ENO4: variants seen among roughly 807,000 people sequenced by gnomAD.
ENO4 encodes the protein 2-phospho-D-glycerate hydro-lyase.
In ENO4, 53 loss-of-function variants were observed where a neutral mutation model predicts 63.2. The observed-to-expected ratio is 0.84, with a 90% confidence interval of 0.67 to 1.05. The LOEUF is 1.05. Among genes scored for constraint, ENO4 ranks in the 50% least tolerant of loss-of-function variants. The pLI is 0.00. For missense variants in ENO4, 719 were observed against 772.0 expected (o/e 0.93, Z 0.81); for synonymous variants, 266 against 283.8 (o/e 0.94, Z 0.63).
At chr10:116,899,031 C>T (rs61545069) in intron 10 of ENO4, among the ~76,000 whole-genome samples, 32 of 152,110 alleles carry the variant, frequency 2.1e-4, no homozygotes, top group East Asian at 9.7e-4. Flanking sequence ...GAAGATCTTA[C>T]GCAGATCATA....
chr10:116,889,294 C>A (rs1471379455), intron 10 of ENO4, among the ~76,000 whole-genome samples: 1 of 152,184 alleles, frequency 6.6e-6, no homozygotes, highest in African/African-American at 2.4e-5. Flanking sequence ...TATTGTCAGG[C>A]TGAAATTGTC....
chr10:116,879,455 T>C (rs900175316), intron 12 of ENO4, 97 bp downstream of exon 12: 31 of 895,406 alleles, frequency 3.5e-5, no homozygotes, highest in Non-Finnish European at 5.2e-5. Flanking sequence ...GCATGTAACC[T>C]TTTATGAAAT....
chr10:116,888,932 G>A (rs543740312), intron 10 of ENO4, among the ~76,000 whole-genome samples: 40 of 152,376 alleles, frequency 2.6e-4, no homozygotes, highest in Middle Eastern at 6.8e-3. Flanking sequence ...AGGTTCCAGG[G>A]AAAGTCCCAT....
chr10:116,877,713 G>A (rs919444509), intron 11 of ENO4, among the ~76,000 whole-genome samples: 1 of 152,134 alleles, frequency 6.6e-6, no homozygotes, highest in African/African-American at 2.4e-5. Context: ...TGAAAAGCGG[G>A]GCTCCAGTGC....
intron 10 of ENO4, among the ~76,000 whole-genome samples, chr10:116,899,098 T>C (rs1444878392): frequency 2.6e-5 from 4 of 152,040 alleles, no homozygotes; most frequent in Admixed American, 6.6e-5. Context: ...AAGCCTACCA[T>C]AAGGCAGGAA....
chr10:116,900,154 C>T (rs866184066), intron 10 of ENO4, among the ~76,000 whole-genome samples: 5 of 152,156 alleles, frequency 3.3e-5, no homozygotes, highest in South Asian at 2.1e-4. Context: ...TGAAAATACA[C>T]GGCATCAGTT....
chr10:116,888,926 T>G (rs937432893), intron 10 of ENO4, among the ~76,000 whole-genome samples: 7 of 152,228 alleles, frequency 4.6e-5, no homozygotes, highest in African/African-American at 1.7e-4. Context: ...CAGCTAAGGT[T>G]CCAGGGAAAG....
chr10:116,900,642 T>C, intron 10 of ENO4: 1 of 1,514,248 alleles, frequency 6.6e-7, no homozygotes, highest in South Asian at 1.2e-5. Context: ...TGGATATTGG[T>C]TCAAATGTAG....
intron 8 of ENO4, among the ~76,000 whole-genome samples, 168 bp downstream of exon 8, chr10:116,868,874 C>A (rs1637572): frequency 0.59 from 89,377 of 151,868 alleles, 29,239 homozygotes; most frequent in Non-Finnish European, 0.73. Context: ...ATCATGCTGC[C>A]CCTGCCTTCC....
intron 10 of ENO4, among the ~76,000 whole-genome samples, chr10:116,895,854 G>GT (rs1847498792): frequency 6.6e-6 from 1 of 152,134 alleles, no homozygotes; most frequent in Admixed American, 6.5e-5. Flanking sequence ...TTTCTCACCT[G>GT]TAAAATTGGG....
At chr10:116,857,424 C>T (rs1281724871) in intron 3 of ENO4, among the ~76,000 whole-genome samples, 1 of 152,136 alleles carries the variant, frequency 6.6e-6, no homozygotes, top group African/African-American at 2.4e-5. Context: ...CTCAAACACG[C>T]TAACAAGGAA....
intron 11 of ENO4, among the ~76,000 whole-genome samples, 181 bp downstream of exon 11, chr10:116,876,441 A>G (rs528736412): frequency 1.8e-4 from 27 of 152,346 alleles, no homozygotes; most frequent in African/African-American, 6.3e-4. Context: ...TCCCTTCACT[A>G]CGTTCCACTA....
In ENO4 at chr10:116,862,767, A is replaced by G. The variant is rs978672946; in HGVS notation, c.937-32A>G. The G allele has an allele frequency of 2.1e-5, 32 of 1,529,112 alleles. No individual in the cohort carries two copies. The East Asian group carries it at 7.8e-4, about 37-fold the overall frequency. 94.7% of individuals were successfully genotyped at this position (1,529,112 alleles called of 1,614,324 possible). ...TTATACTTAAATTTTCTAGTCTGCA[A>G]CTGTGGAAGATCATGGTTGTTCTAC... On this transcript the variant is annotated intron_variant, in intron 6 of 13. Coordinates refer to ENST00000341276, the MANE Select transcript of ENO4 (RefSeq NM_001242699.2).
rs1846397647 is a variant in ENO4, at chr10:116,861,128, G to A, written c.874G>A (p.Gly292Arg). The A allele has an allele frequency of 3.9e-6, 6 of 1,546,914 alleles. No individual in the cohort carries two copies. The East Asian group carries it at 9.8e-5, about 25-fold the overall frequency. Residue 292 changes from glycine to arginine, a missense_variant, in exon 6 of 14, where the codon GGG (glycine) becomes AGG (arginine). Transcript: ENST00000341276. ...SLVSCGKSSS[G>R]KLNLMKEVIC... ...GGTCAGCTGTGGGAAGTCATCATCT[G>A]GGAAGCTAAATTTAATGAAAGAAGT...
chr10:116,849,625 A>G lies in ENO4; in HGVS notation c.59A>G (p.Lys20Arg). ...ACCACTAGGGAGCTGCAGAAGCTGA[A>G]GCAGCAGGCGATGGAGTACTACCGG... ...CGTTRELQKL[K>R]QQAMEYYREN... Residue 20 changes from lysine to arginine, a missense_variant, in exon 1 of 14, where the codon AAG becomes AGG. Lys to Arg is a conservative substitution (Grantham distance 26). Coordinates refer to ENST00000341276, the MANE Select transcript of ENO4 (RefSeq NM_001242699.2). The G allele has an allele frequency of 6.5e-7, 1 of 1,550,234 alleles. No individual in the cohort carries two copies. Among genetic ancestry groups the G allele is most frequent in the Non-Finnish European group, 8.7e-7 (1 of 1,146,804 alleles).
chr10:116,889,218 A>C (rs576456336), intron 10 of ENO4, among the ~76,000 whole-genome samples: 49 of 152,326 alleles, frequency 3.2e-4, no homozygotes, highest in Middle Eastern at 6.8e-3. Flanking sequence ...ATTTCCAGGA[A>C]GTGCTCTCTG....
chr10:116,908,339 C>G (rs1564870692), intron 10 of ENO4, among the ~76,000 whole-genome samples: 1 of 152,062 alleles, frequency 6.6e-6, no homozygotes, highest in Non-Finnish European at 1.5e-5. Context: ...ACTATAATGG[C>G]TTATTTTATC....
chr10:116,862,115 T>G (rs1268310584), intron 6 of ENO4, among the ~76,000 whole-genome samples: 1 of 152,180 alleles, frequency 6.6e-6, no homozygotes, highest in Non-Finnish European at 1.5e-5. Flanking sequence ...TTTATACTGA[T>G]TCAGCCACTC....
At chr10:116,903,365 T>C (rs1227204409) in intron 10 of ENO4, among the ~76,000 whole-genome samples, 1 of 152,044 alleles carries the variant, frequency 6.6e-6, no homozygotes, top group Non-Finnish European at 1.5e-5. Flanking sequence ...AAACCCTGTC[T>C]CTACTAGAAA....
Sources: gnomAD v4.1 joint callset for allele counts (sites outside exome capture counted in the v4.1 genomes callset) on GRCh38, gnomAD v4.1.1 for gene constraint, MANE v1.5 for transcripts, NCBI Gene and HGNC (gene_info 2026-07-23, HGNC 2026-07-21) for gene names.